The following PHF3 variants were observed in gnomAD, a reference collection of about 807,000 sequenced individuals.
PHF3 encodes the protein PHD finger protein 3.
Under a neutral mutation model 178.4 loss-of-function variants are expected in PHF3, and 41 were observed. The ratio of observed to expected loss-of-function variants is 0.23; its 90% CI spans 0.18 to 0.30. PHF3 has a LOEUF of 0.30. Among genes scored for constraint, PHF3 ranks in the 10% least tolerant of loss-of-function variants. The pLI is 1.00. For missense variants in PHF3, 2,346 were observed against 2,398.1 expected (o/e 0.98, Z 0.45); for synonymous variants, 842 against 800.5 (o/e 1.05, Z -0.88).
At position 63,718,299 on chromosome 6, in the gene PHF3, G is replaced by A. The variant is rs1474101094; in HGVS notation, c.*4591G>A. 2.6e-5 allele frequency among the ~76,000 whole-genome samples: 4 copies of A among 151,932 alleles called. No individual in the cohort carries two copies. Among genetic ancestry groups the A allele is most frequent in the Non-Finnish European group, 4.4e-5 (3 of 67,926 alleles). On this transcript the variant is annotated 3_prime_UTR_variant, in exon 16 of 16. Transcript: ENST00000262043. ...AAAATCTGAACGTAAAATTGCAACT[G>A]TGAAAAGCTTTAAGGCAGCAATTCT...
intron 14 of PHF3, among the ~76,000 whole-genome samples, chr6:63,710,702 G>A (rs1333102716): frequency 6.6e-6 from 1 of 152,224 alleles, no homozygotes; most frequent in African/African-American, 2.4e-5. Context: ...TGGATTATTA[G>A]TAGATTTGTC....
chr6:63,679,747 C>T, intron 2 of PHF3: 1 of 488,540 alleles, frequency 2.0e-6, no homozygotes, highest in Non-Finnish European at 4.0e-6. Flanking sequence ...ATATTTGAGG[C>T]TAAATCAGGA....
At chr6:63,649,152 A>G (rs1470920817) in intron 2 of PHF3, among the ~76,000 whole-genome samples, 1 of 151,476 alleles carries the variant, frequency 6.6e-6, no homozygotes, top group Admixed American at 6.6e-5. Context: ...TATATTGCCC[A>G]GGCTGGTCTC....
intron 2 of PHF3, among the ~76,000 whole-genome samples, chr6:63,648,010 A>C (rs896463542): frequency 6.6e-6 from 1 of 152,122 alleles, no homozygotes; most frequent in African/African-American, 2.4e-5. Flanking sequence ...GCAATACTTA[A>C]AGTTGGGAAT....
At chr6:63,700,541 G>T in intron 9 of PHF3, 75 bp downstream of exon 9, 1 of 787,530 alleles carries the variant, frequency 1.3e-6, no homozygotes, top group Non-Finnish European at 2.2e-6. Flanking sequence ...ATTATACAGA[G>T]GTAAATTCAA....
chr6:63,662,958 T>TA (rs1423449001), intron 2 of PHF3, among the ~76,000 whole-genome samples: 1 of 152,198 alleles, frequency 6.6e-6, no homozygotes, highest in African/African-American at 2.4e-5. Flanking sequence ...TCTCAGAAGA[T>TA]ACAGTGTGAA....
At chr6:63,649,528 A>G (rs1415423316) in intron 2 of PHF3, among the ~76,000 whole-genome samples, 1 of 152,206 alleles carries the variant, frequency 6.6e-6, no homozygotes. Context: ...TTCTGTTATG[A>G]TGAACCAGGC....
chr6:63,698,230 T>A lies in PHF3; in HGVS notation c.2688T>A (p.His896Gln), dbSNP rs146598932. The change falls in exon 7 of 16, where the codon CAT becomes CAA. Residue 896 changes from histidine to glutamine, a missense_variant. This residue lies in a region of PHF3 where 252 missense variants were observed against 232.0 expected (regional missense o/e 1.09). Coordinates refer to ENST00000262043, the MANE Select transcript of PHF3 (RefSeq NM_001370348.2). Reference sequence around the variant, plus strand: ...GATATTTATTCAAATTAGGTACTCATGAGAAGCAAGAGATGAAAAAGAAGA... The same window carrying A: ...GATATTTATTCAAATTAGGTACTCAAGAGAAGCAAGAGATGAAAAAGAAGA... The part of the protein sequence containing the change: ...TGEKASKPGT[H>Q]EKQEMKKKKV... 3.7e-6 allele frequency: 6 copies of A among 1,609,702 alleles called. No individual in the cohort carries two copies. Among genetic ancestry groups the A allele is most frequent in the Non-Finnish European group, 4.2e-6 (5 of 1,177,358 alleles).
At position 63,720,207 on chromosome 6, in the gene PHF3, C is replaced by T; in HGVS notation, c.*6499C>T. ...GATTTTTTTCTTATTTGTACCTATC[C>T]CTAATTCATTCCCAACTGAATTTTA... On this transcript the variant is annotated 3_prime_UTR_variant, in exon 16 of 16. Coordinates refer to ENST00000262043, the MANE Select transcript of PHF3 (RefSeq NM_001370348.2). 2 of 260,338 alleles carry T rather than the reference C, an allele frequency of 7.7e-6. No individual in the cohort carries two copies. The highest frequency in any genetic ancestry group is 1.4e-5 in the Non-Finnish European group (2 of 138,886). The allele number at this position is 260,338 out of a possible 1,614,324, so 16.1% of individuals were successfully genotyped here.
chr6:63,654,212 G>C (rs11756833), intron 2 of PHF3, among the ~76,000 whole-genome samples: 11,907 of 152,212 alleles, frequency 0.078, 541 homozygotes, highest in East Asian at 0.16. Flanking sequence ...TTAAATGTTT[G>C]ATAGAATTCT....
At chr6:63,692,317 G>A (rs1398905286) in intron 5 of PHF3, among the ~76,000 whole-genome samples, 1 of 152,110 alleles carries the variant, frequency 6.6e-6, no homozygotes, top group African/African-American at 2.4e-5. Context: ...GTTGTAGGAT[G>A]TGTGTGGATC....
At position 63,706,251 on chromosome 6, in the gene PHF3, A is replaced by G. The variant is rs774325407; in HGVS notation, c.3563+27A>G. On this transcript the variant is annotated intron_variant, in intron 12 of 15. Coordinates refer to ENST00000262043, the MANE Select transcript of PHF3 (RefSeq NM_001370348.2). ...TAATTTTCTCTGTTGTAAATTCTGT[A>G]ATACTCATTATAGATCTTTGCCAGA... 40 of 1,545,642 alleles carry G rather than the reference A, an allele frequency of 2.6e-5. No individual in the cohort carries two copies. In the South Asian group the frequency reaches 4.5e-4, roughly 18 times the overall value.
intron 2 of PHF3, among the ~76,000 whole-genome samples, chr6:63,659,252 T>G (rs1015010670): frequency 6.6e-6 from 1 of 152,180 alleles, no homozygotes; most frequent in Non-Finnish European, 1.5e-5. Flanking sequence ...TAAACATATA[T>G]TATTGTCAAC....
chr6:63,706,258 ATTATAGATCT>A, intron 12 of PHF3, 34 bp downstream of exon 12: 1 of 1,491,820 alleles, frequency 6.7e-7, no homozygotes, highest in African/African-American at 1.4e-5. Flanking sequence ...TGTAATACTC[ATTATAGATCT>A]TTGCCAGATT....
intron 8 of PHF3, 26 bp from the exon 9 acceptor site, chr6:63,700,323 TC>T (rs1767418610): frequency 8.8e-7 from 1 of 1,139,406 alleles, no homozygotes; most frequent in Non-Finnish European, 1.3e-6. Context: ...TGTCTCCCCT[TC>T]TATTCCTATT....
At chr6:63,687,599 A>G (rs1766770964) in intron 4 of PHF3, among the ~76,000 whole-genome samples, 1 of 152,200 alleles carries the variant, frequency 6.6e-6, no homozygotes, top group Admixed American at 6.5e-5. Context: ...CCTTAAGTAA[A>G]TGAATTTCTA....
At chr6:63,706,974 T>C (rs148692016) in intron 13 of PHF3, 98 bp downstream of exon 13, 1 of 1,019,134 alleles carries the variant, frequency 9.8e-7, no homozygotes, top group Non-Finnish European at 1.5e-6. Context: ...AATAGAAATA[T>C]TTATTAACAA....
At position 63,715,459 on chromosome 6, in the gene PHF3, C is replaced by G. The variant is rs981557086; in HGVS notation, c.*1751C>G. The G allele has an allele frequency of 4.6e-5, 7 of 152,118 alleles. No homozygotes were observed. Among genetic ancestry groups the G allele is most frequent in the African/African-American group, 1.7e-4 (7 of 41,426 alleles). 9.4% of individuals were successfully genotyped at this position (152,118 alleles called of 1,614,324 possible). A position where few individuals can be genotyped will look rare whatever the true frequency, so the allele number is the denominator to read the frequency against. ...TTTCAATTTCAAATGTGTATATCGT[C>G]AATAAATCTACCTTTACTGATATAT... On this transcript the variant is annotated 3_prime_UTR_variant, in exon 16 of 16. Transcript: ENST00000262043.
At chr6:63,655,405 G>A (rs541659238) in intron 2 of PHF3, among the ~76,000 whole-genome samples, 1 of 152,084 alleles carries the variant, frequency 6.6e-6, no homozygotes, top group South Asian at 2.1e-4. Context: ...TAGAGACAGG[G>A]TTTCACCATG....
Sources: allele counts gnomAD v4.1 joint callset (sites outside exome capture counted in the v4.1 genomes callset), GRCh38; gene constraint gnomAD v4.1.1; regional missense constraint gnomAD v4.1.1; transcripts MANE v1.5; gene names NCBI Gene and HGNC (gene_info 2026-07-23, HGNC 2026-07-21).